ANKFN1: variants seen among roughly 807,000 people sequenced by gnomAD.
ANKFN1 encodes ankyrin repeat and fibronectin type-III domain-containing protein 1.
A neutral mutation model predicts 108.7 loss-of-function variants in ANKFN1; 74 were observed. The observed-to-expected ratio is 0.68, with a 90% CI of 0.56 to 0.83. The LOEUF is 0.83. ANKFN1 is among the 40% of genes least tolerant of loss of function. The pLI is 0.00. For missense variants in ANKFN1, 1,505 were observed against 1,382.3 expected (o/e 1.09, Z -1.41); for synonymous variants, 547 against 516.2 (o/e 1.06, Z -0.81).
chr17:56,173,932 G>A (rs1217710395), intron 1 of ANKFN1, among the ~76,000 whole-genome samples: 1 of 152,178 alleles, frequency 6.6e-6, no homozygotes, highest in Non-Finnish European at 1.5e-5. Flanking sequence ...TTAATTACTT[G>A]GCTGACATTC....
At chr17:56,457,425 G>A (rs202117918) in intron 13 of ANKFN1, 36 bp downstream of exon 13, 2 of 1,545,524 alleles carry the variant, frequency 1.3e-6, no homozygotes, top group African/African-American at 2.8e-5. Context: ...TCCCTACTTT[G>A]TACCAATGTT....
At chr17:56,104,875 T>TA (rs1183148738) in intron 4 of ANKFN1, among the ~76,000 whole-genome samples, 1 of 152,096 alleles carries the variant, frequency 6.6e-6, no homozygotes, top group Non-Finnish European at 1.5e-5. Context: ...ACAACTACAT[T>TA]AAAAAAACTT....
intron 1 of ANKFN1, among the ~76,000 whole-genome samples, chr17:56,194,220 C>T (rs539140116): frequency 8.3e-4 from 126 of 152,254 alleles, no homozygotes; most frequent in African/African-American, 2.8e-3. Context: ...CTTACAAGAC[C>T]GAACATACTT....
intron 15 of ANKFN1, among the ~76,000 whole-genome samples, chr17:56,475,794 GT>G (rs1483548182): frequency 1.3e-5 from 2 of 151,934 alleles, no homozygotes; most frequent in Non-Finnish European, 2.9e-5. Flanking sequence ...TTTAACCCTT[GT>G]TTTTTTGAAA....
At chr17:56,441,940 T>C (rs1316985295) in intron 9 of ANKFN1, among the ~76,000 whole-genome samples, 1 of 152,136 alleles carries the variant, frequency 6.6e-6, no homozygotes, top group Admixed American at 6.5e-5. Flanking sequence ...TTTACAATTT[T>C]TACAAGCAAT....
intron 6 of ANKFN1, among the ~76,000 whole-genome samples, chr17:56,371,353 C>T (rs941298667): frequency 6.6e-6 from 1 of 152,146 alleles, no homozygotes; most frequent in Non-Finnish European, 1.5e-5. Context: ...TGCACAGAGG[C>T]AATAATAAAT....
At chr17:56,312,569 A>G (rs1407080510) in intron 3 of ANKFN1, among the ~76,000 whole-genome samples, 2 of 152,152 alleles carry the variant, frequency 1.3e-5, no homozygotes, top group East Asian at 3.9e-4. Context: ...ATGGTCCTCC[A>G]CAGACCTCCT....
At chr17:56,284,693 G>A (rs117548784) in intron 3 of ANKFN1, among the ~76,000 whole-genome samples, 19 of 152,282 alleles carry the variant, frequency 1.2e-4, no homozygotes, top group East Asian at 1.2e-3. Context: ...GAAGGCCACC[G>A]CACCATGCAA....
At chr17:56,242,875 AC>A (rs1290490033) in intron 3 of ANKFN1, among the ~76,000 whole-genome samples, 3 of 152,148 alleles carry the variant, frequency 2.0e-5, no homozygotes, top group South Asian at 2.1e-4. Flanking sequence ...TTTTAAAAAA[AC>A]ATGATTGTGT....
At chr17:56,216,170 G>A (rs557557518) in intron 2 of ANKFN1, among the ~76,000 whole-genome samples, 31 of 152,278 alleles carry the variant, frequency 2.0e-4, no homozygotes, top group Non-Finnish European at 4.1e-4. Flanking sequence ...CAAAGAAAAT[G>A]TTCTATTAAA....
chr17:56,373,021 G>A (rs2046852842), intron 7 of ANKFN1, among the ~76,000 whole-genome samples, 181 bp downstream of exon 7: 1 of 152,060 alleles, frequency 6.6e-6, no homozygotes, highest in Non-Finnish European at 1.5e-5. Flanking sequence ...TTGAGTTTCT[G>A]GCTCCTGATG....
chr17:56,323,969 GC>G (rs1188221942), intron 3 of ANKFN1, among the ~76,000 whole-genome samples: 1 of 152,166 alleles, frequency 6.6e-6, no homozygotes, highest in Non-Finnish European at 1.5e-5. Context: ...CAGCCTAGGG[GC>G]TAGAAAAATA....
intron 1 of ANKFN1, among the ~76,000 whole-genome samples, chr17:56,171,971 C>G (rs540997266): frequency 1.3e-5 from 2 of 152,108 alleles, no homozygotes; most frequent in South Asian, 4.1e-4. Flanking sequence ...TCCCCAGCAT[C>G]CTTTGGTATT....
intron 8 of ANKFN1, among the ~76,000 whole-genome samples, chr17:56,428,760 C>T (rs1421928148): frequency 6.6e-6 from 1 of 152,132 alleles, no homozygotes; most frequent in East Asian, 1.9e-4. Flanking sequence ...ACAGCACCGG[C>T]CCATGGCCCC....
intron 4 of ANKFN1, among the ~76,000 whole-genome samples, chr17:56,139,122 T>A (rs1378915249): frequency 6.6e-6 from 1 of 152,222 alleles, no homozygotes; most frequent in Non-Finnish European, 1.5e-5. Flanking sequence ...TTAACATTTG[T>A]ATGTTTTTAT....
intron 19 of ANKFN1, among the ~76,000 whole-genome samples, chr17:56,492,858 T>C (rs983966288): frequency 3.9e-5 from 6 of 152,306 alleles, no homozygotes; most frequent in Non-Finnish European, 7.4e-5. Flanking sequence ...AGAAAATGTG[T>C]TCCCCTTCCC....
intron 4 of ANKFN1, among the ~76,000 whole-genome samples, chr17:56,135,301 G>A (rs140451577): frequency 6.6e-6 from 1 of 152,148 alleles, no homozygotes; most frequent in African/African-American, 2.4e-5. Flanking sequence ...GTGTGTGTGA[G>A]TTAACCTCAC....
intron 8 of ANKFN1, among the ~76,000 whole-genome samples, chr17:56,404,297 G>A (rs966891741): frequency 2.0e-4 from 30 of 152,030 alleles, no homozygotes; most frequent in Admixed American, 7.2e-4. Flanking sequence ...CAGGAACACC[G>A]ATTATTCTTA....
intron 6 of ANKFN1, among the ~76,000 whole-genome samples, chr17:56,369,226 G>T (rs2046746183): frequency 6.6e-6 from 1 of 152,110 alleles, no homozygotes; most frequent in Admixed American, 6.5e-5. Context: ...GCTAAAGGAA[G>T]TGAATCTGTA....
Sources: allele counts gnomAD v4.1 joint callset (sites outside exome capture counted in the v4.1 genomes callset), GRCh38; gene constraint gnomAD v4.1.1; transcripts MANE v1.5; gene names NCBI Gene and HGNC (gene_info 2026-07-23, HGNC 2026-07-21).